NHS: variants seen among roughly 807,000 people sequenced by gnomAD.
NHS encodes NHS actin remodeling regulator, also known as actin remodeling regulator NHS.
Under a neutral mutation model 72.5 loss-of-function variants are expected in NHS, and 5 were observed. That is an observed-to-expected ratio of 0.07 (90% CI 0.04 to 0.14). The LOEUF (loss-of-function observed/expected upper bound fraction) is 0.14. NHS is among the 10% of genes least tolerant of loss of function. The pLI is 1.00. For missense variants in NHS, 1,072 were observed against 1,355.7 expected, an observed-to-expected ratio of 0.79 and a Z score of 3.29; for synonymous variants, 464 against 547.7, an observed-to-expected ratio of 0.85 and a Z score of 2.13.
chrX:17,380,261 T>C (rs2064369822), intron 1 of NHS, among the ~76,000 whole-genome samples: 1 of 111,478 alleles, frequency 9.0e-6, no homozygotes, highest in Non-Finnish European at 1.9e-5. Context: ...TGGTTACTTG[T>C]AATTAATTAG....
At chrX:17,731,438 A>G (rs769787413) in intron 8 of NHS, among the ~76,000 whole-genome samples, 2 of 109,257 alleles carry the variant, frequency 1.8e-5, no homozygotes, top group Non-Finnish European at 3.8e-5. Flanking sequence ...GGGTTTCACC[A>G]TGTTGGCCAG....
At chrX:17,588,026 T>C (rs1222249028) in intron 1 of NHS, among the ~76,000 whole-genome samples, 1 of 112,252 alleles carries the variant, frequency 8.9e-6, no homozygotes, top group African/African-American at 3.2e-5. Context: ...TTACAAAATA[T>C]AATGCCTGAA....
intron 1 of NHS, among the ~76,000 whole-genome samples, chrX:17,530,960 C>T (rs771322178): frequency 6.3e-5 from 7 of 111,460 alleles, no homozygotes; most frequent in Non-Finnish European, 1.3e-4. Flanking sequence ...ACCCTGCCAG[C>T]CAAATCTGCA....
intron 1 of NHS, among the ~76,000 whole-genome samples, chrX:17,601,068 C>A (rs1009302708): frequency 1.8e-5 from 2 of 111,702 alleles, no homozygotes; most frequent in African/African-American, 3.3e-5. Flanking sequence ...CTCATGGAAA[C>A]AACAGGAAAG....
At chrX:17,399,356 C>T (rs2064492213) in intron 1 of NHS, among the ~76,000 whole-genome samples, 1 of 111,637 alleles carries the variant, frequency 9.0e-6, no homozygotes. Context: ...CCCGCCGTGG[C>T]CTCCCAAAGT....
intron 1 of NHS, among the ~76,000 whole-genome samples, chrX:17,678,159 A>C (rs1473960786): frequency 9.0e-6 from 1 of 111,549 alleles, no homozygotes; most frequent in African/African-American, 3.3e-5. Flanking sequence ...ACTATTTAGA[A>C]ACGTACTTGA....
At chrX:17,548,448 G>A (rs77106499) in intron 1 of NHS, among the ~76,000 whole-genome samples, 1 of 110,976 alleles carries the variant, frequency 9.0e-6, no homozygotes, top group Non-Finnish European at 1.9e-5. Flanking sequence ...AGGCTGGGGT[G>A]GGGGTAGTAA....
At chrX:17,663,238 G>T (rs767334019) in intron 1 of NHS, among the ~76,000 whole-genome samples, 10 of 111,780 alleles carry the variant, frequency 8.9e-5, no homozygotes, top group Non-Finnish European at 7.5e-5. Flanking sequence ...TTTTTGTTAA[G>T]TGAGATGTAA....
intron 1 of NHS, among the ~76,000 whole-genome samples, chrX:17,525,638 C>CTTTTTT (rs1162709869): frequency 2.4e-3 from 126 of 52,993 alleles, no homozygotes; most frequent in East Asian, 6.2e-3. Context: ...TCTTTCTTTT[C>CTTTTTT]TTTTTTTTTT....
chrX:17,549,279 G>A, intron 1 of NHS, among the ~76,000 whole-genome samples: 1 of 110,865 alleles, frequency 9.0e-6, no homozygotes, highest in African/African-American at 3.3e-5. Flanking sequence ...ACTGTGGAAG[G>A]CAACAAGCAC....
chrX:17,734,128 A>G lies in NHS; in HGVS notation c.*1664A>G, dbSNP rs1419072717. ...AGGGATCTGACTTATAAAAGACTAG[A>G]ATGTGATTAGAGTGATAGAACATAC... On this transcript the variant is annotated 3_prime_UTR_variant, in exon 9 of 9. Transcript: ENST00000676302. 1 of 111,939 alleles carries G rather than the reference A, an allele frequency of 8.9e-6. No individual in the cohort carries two copies. Among genetic ancestry groups the G allele is most frequent in the African/African-American group, 3.3e-5 (1 of 30,699 alleles). The allele number at this position is 111,939 out of a possible 1,213,427, so 9.2% of individuals were successfully genotyped here.
chrX:17,396,899 G>C (rs1307072948), intron 1 of NHS, among the ~76,000 whole-genome samples: 1 of 111,544 alleles, frequency 9.0e-6, no homozygotes, highest in Admixed American at 9.5e-5. Context: ...TCATGTCTAT[G>C]GGATTTATTT....
chrX:17,408,001 A>G (rs377562247), intron 1 of NHS, among the ~76,000 whole-genome samples: 1 of 111,000 alleles, frequency 9.0e-6, no homozygotes, highest in Non-Finnish European at 1.9e-5. Context: ...GTAACAGTAT[A>G]TGTATTTTTG....
intron 1 of NHS, among the ~76,000 whole-genome samples, chrX:17,490,480 T>G (rs1307692534): frequency 9.0e-6 from 1 of 111,327 alleles, no homozygotes; most frequent in African/African-American, 3.3e-5. Context: ...TTCCATTGGT[T>G]TATATATCTG....
At chrX:17,493,487 A>G (rs2064999904) in intron 1 of NHS, among the ~76,000 whole-genome samples, 2 of 112,036 alleles carry the variant, frequency 1.8e-5, no homozygotes, top group Non-Finnish European at 3.8e-5. Flanking sequence ...TCATGAAGGA[A>G]AAGACTTTGT....
chrX:17,460,565 T>A (rs968662256), intron 1 of NHS, among the ~76,000 whole-genome samples: 1 of 111,531 alleles, frequency 9.0e-6, no homozygotes, highest in African/African-American at 3.3e-5. Context: ...AATCTGATTC[T>A]GTCACCTCTT....
chrX:17,669,404 G>A (rs1227779116), intron 1 of NHS, among the ~76,000 whole-genome samples: 2 of 112,189 alleles, frequency 1.8e-5, no homozygotes, highest in Non-Finnish European at 3.8e-5. Context: ...GACAATGAGG[G>A]CCATAGTAGG....
chrX:17,698,698 A>C (rs926222557), intron 3 of NHS, among the ~76,000 whole-genome samples: 1 of 111,874 alleles, frequency 8.9e-6, no homozygotes, highest in Non-Finnish European at 1.9e-5. Flanking sequence ...CAACATTAGC[A>C]AACAGAATAT....
At chrX:17,702,116 T>A (rs2066268610) in intron 3 of NHS, among the ~76,000 whole-genome samples, 1 of 110,375 alleles carries the variant, frequency 9.1e-6, no homozygotes, top group South Asian at 3.9e-4. Context: ...TTTCTCTGAG[T>A]ATATTTTTTG....
Sources: allele counts gnomAD v4.1 joint callset (sites outside exome capture counted in the v4.1 genomes callset), GRCh38; gene constraint gnomAD v4.1.1; transcripts MANE v1.5; gene names NCBI Gene and HGNC (gene_info 2026-07-23, HGNC 2026-07-21).